The following TM9SF4 variants were observed in gnomAD, a reference collection of about 807,000 sequenced individuals.
TM9SF4 encodes dinucleotide oxidase disulfide thiol exchanger 3 superfamily member 4.
TM9SF4 carries 26 observed loss-of-function variants against 90.4 expected under a neutral mutation model. The ratio of observed to expected loss-of-function variants is 0.29; its 90% CI spans 0.21 to 0.40. The LOEUF is 0.40. Ranked by LOEUF, TM9SF4 falls within the 10% of genes least tolerant of loss-of-function variation. The pLI is 1.00. For synonymous variants in TM9SF4, 293 were observed against 315.4 expected (o/e 0.93, Z 0.75); for missense variants, 549 against 834.8 (o/e 0.66, Z 4.22).
intron 17 of TM9SF4, among the ~76,000 whole-genome samples, chr20:32,161,773 C>T (rs904650923): frequency 2.2e-4 from 34 of 152,158 alleles, no homozygotes; most frequent in Non-Finnish European, 2.9e-5. Flanking sequence ...AAGATAAAAG[C>T]ACAAAATGCT....
intron 8 of TM9SF4, among the ~76,000 whole-genome samples, chr20:32,146,194 A>G (rs2046760133): frequency 6.6e-6 from 1 of 152,182 alleles, no homozygotes. Context: ...TGTTAAGTGA[A>G]CTCAAGGTCA....
At chr20:32,151,861 G>T (rs2046846388) in intron 12 of TM9SF4, among the ~76,000 whole-genome samples, 1 of 144,026 alleles carries the variant, frequency 6.9e-6, no homozygotes. Context: ...TTGTTTTTTT[G>T]TTTTTTTGTT....
chr20:32,113,327 G>T (rs1333881716), intron 1 of TM9SF4, among the ~76,000 whole-genome samples: 2 of 152,130 alleles, frequency 1.3e-5, no homozygotes, highest in African/African-American at 2.4e-5. Flanking sequence ...TCCTGAACCC[G>T]CAGGGCAAGA....
intron 3 of TM9SF4, among the ~76,000 whole-genome samples, chr20:32,140,724 C>T (rs1226314275): frequency 6.6e-6 from 1 of 152,050 alleles, no homozygotes; most frequent in Non-Finnish European, 1.5e-5. Flanking sequence ...GGCAGGCAGC[C>T]GAGAGTCAGA....
intron 17 of TM9SF4, 77 bp from the exon 18 acceptor site, chr20:32,165,216 CAG>C: frequency 6.3e-7 from 1 of 1,582,120 alleles, no homozygotes; most frequent in Non-Finnish European, 8.6e-7. Context: ...CCCATGATAT[CAG>C]TGAGAGTGGG....
Position 32,159,934 on chromosome 20 carries a change from G to A in TM9SF4, c.1570-58G>A, listed in dbSNP as rs1351223650. On this transcript the variant is annotated intron_variant, in intron 15 of 17. Transcript: ENST00000398022. Reference sequence around the variant, plus strand: ...TCCTGCCCTTGTGACAGGTTGGTGTGCCAGGGGAAGGGGAGCAGGGTGGTC... The same window carrying A: ...TCCTGCCCTTGTGACAGGTTGGTGTACCAGGGGAAGGGGAGCAGGGTGGTC... 6.8e-6 allele frequency: 11 copies of A among 1,609,930 alleles called. No individual in the cohort carries two copies. In the African/African-American group the frequency reaches 1.3e-4, roughly 20 times the overall value.
At chr20:32,137,846 T>C (rs1446856801) in intron 3 of TM9SF4, among the ~76,000 whole-genome samples, 1 of 152,188 alleles carries the variant, frequency 6.6e-6, no homozygotes, top group Non-Finnish European at 1.5e-5. Flanking sequence ...CACAATAGCA[T>C]GTAGATTCTC....
rs1569109708 is a variant in TM9SF4, at chr20:32,160,018, C to A, written c.1596C>A (p.Tyr532Ter). Residue 532 changes from tyrosine to a stop codon, truncating the protein, a stop_gained, in exon 16 of 18, where the codon TAC (tyrosine) becomes TAA (stop). Coordinates refer to ENST00000398022, the MANE Select transcript of TM9SF4 (RefSeq NM_014742.4). LOFTEE classifies it high-confidence loss of function. ...FSAIWENQFY[Y>*]LFGFLFLVFI... Reference sequence around the variant, plus strand: ...CTATCTGGGAGAATCAGTTCTATTACCTCTTTGGCTTCCTGTTCCTTGTTT... The same window carrying A: ...CTATCTGGGAGAATCAGTTCTATTAACTCTTTGGCTTCCTGTTCCTTGTTT... 6.2e-7 allele frequency: 1 copy of A among 1,614,234 alleles called. No individual in the cohort carries two copies. Among genetic ancestry groups the A allele is most frequent in the Non-Finnish European group, 8.5e-7 (1 of 1,180,026 alleles).
intron 1 of TM9SF4, among the ~76,000 whole-genome samples, chr20:32,129,835 A>C (rs1023390534): frequency 2.0e-5 from 3 of 152,154 alleles, no homozygotes; most frequent in East Asian, 1.9e-4. Flanking sequence ...TTTGCCCCCA[A>C]CTTGGCCTCC....
intron 3 of TM9SF4, among the ~76,000 whole-genome samples, chr20:32,140,806 A>G (rs6089188): frequency 0.11 from 16,535 of 151,646 alleles, 1,521 homozygotes; most frequent in African/African-American, 0.25. Context: ...CTTGTCCTGA[A>G]GGGGTTAGGG....
At chr20:32,161,851 C>T (rs1268783176) in intron 17 of TM9SF4, among the ~76,000 whole-genome samples, 1 of 152,210 alleles carries the variant, frequency 6.6e-6, no homozygotes, top group Non-Finnish European at 1.5e-5. Context: ...GTGTTCTCTT[C>T]TTCACGCAAG....
rs368553951 is a variant in TM9SF4 at position 32,126,106 on chromosome 20, C to CACACACACAG, written c.16-6906_16-6905insCACACACAGA. On this transcript the variant is annotated intron_variant, in intron 1 of 17. Transcript: ENST00000398022. ...ACACACACACACACACACACACACACAGTAGCCAGAGTAACCTTTAAAACT... is the reference window on the plus strand; with the variant it reads ...ACACACACACACACACACACACACACACACACACAGAGTAGCCAGAGTAACCTTTAAAACT... Among the ~76,000 whole-genome samples the CACACACACAG allele has an allele frequency of 6.0e-3, 886 of 148,684 alleles. 6 individuals are homozygous for CACACACACAG. The highest frequency in any genetic ancestry group is 0.011 in the African/African-American group (458 of 40,114).
At chr20:32,111,655 GAC>G (rs1346709857) in intron 1 of TM9SF4, among the ~76,000 whole-genome samples, 1 of 152,210 alleles carries the variant, frequency 6.6e-6, no homozygotes, top group African/African-American at 2.4e-5. Context: ...GTGACTGGGT[GAC>G]ACAACTACTT....
chr20:32,145,431 A>T lies in TM9SF4; in HGVS notation c.883+8A>T, dbSNP rs373781383. The T allele has an allele frequency of 4.2e-5, 67 of 1,611,900 alleles. No homozygotes were observed. Among genetic ancestry groups the T allele is most frequent in the Non-Finnish European group, 5.6e-5 (66 of 1,178,202 alleles). On this transcript the variant is annotated splice_region_variant and intron_variant, in intron 8 of 17. Coordinates refer to ENST00000398022, the MANE Select transcript of TM9SF4 (RefSeq NM_014742.4). ...TGGTCTTCTTCCTGTCAGGTGAGAGATCTGTGGGTTGAGGGAAAGGGGATG... is the reference window on the plus strand; with the variant it reads ...TGGTCTTCTTCCTGTCAGGTGAGAGTTCTGTGGGTTGAGGGAAAGGGGATG...
intron 1 of TM9SF4, among the ~76,000 whole-genome samples, chr20:32,123,866 A>ATATATATATTTTTTT: frequency 2.1e-5 from 2 of 93,976 alleles, no homozygotes; most frequent in African/African-American, 9.1e-5. Context: ...ATATATATAT[A>ATATATATATTTTTTT]TTTTTTTTTT....
intron 1 of TM9SF4, among the ~76,000 whole-genome samples, chr20:32,110,304 C>G (rs539177437): frequency 6.6e-5 from 10 of 152,282 alleles, no homozygotes; most frequent in African/African-American, 2.4e-4. Context: ...TACCCCAGAG[C>G]TTGCCTTCAC....
intron 1 of TM9SF4, among the ~76,000 whole-genome samples, chr20:32,131,516 G>C (rs1263031218): frequency 6.7e-6 from 1 of 148,248 alleles, no homozygotes; most frequent in Non-Finnish European, 1.5e-5. Context: ...GTGTTGGTTA[G>C]TTGGTTGCTT....
chr20:32,125,745 T>G (rs2046411380), intron 1 of TM9SF4, among the ~76,000 whole-genome samples: 1 of 147,444 alleles, frequency 6.8e-6, no homozygotes, highest in Non-Finnish European at 1.5e-5. Flanking sequence ...AGTGCAGTGG[T>G]GTGATCATGG....
chr20:32,145,435 G>A lies in TM9SF4; in HGVS notation c.883+12G>A. ...CTTCTTCCTGTCAGGTGAGAGATCTGTGGGTTGAGGGAAAGGGGATGGGGG... is the reference window on the plus strand; with the variant it reads ...CTTCTTCCTGTCAGGTGAGAGATCTATGGGTTGAGGGAAAGGGGATGGGGG... On this transcript the variant is annotated intron_variant, in intron 8 of 17. Coordinates refer to ENST00000398022, the MANE Select transcript of TM9SF4 (RefSeq NM_014742.4). 6.2e-7 allele frequency: 1 copy of A among 1,611,616 alleles called. No homozygotes were observed.
Sources: gnomAD v4.1 joint callset for allele counts (sites outside exome capture counted in the v4.1 genomes callset) on GRCh38, gnomAD v4.1.1 for gene constraint, MANE v1.5 for transcripts, NCBI Gene and HGNC (gene_info 2026-07-23, HGNC 2026-07-21) for gene names.